DNAH3: variants seen among roughly 807,000 people sequenced by gnomAD.
DNAH3 encodes axonemal beta dynein heavy chain 3.
DNAH3 carries 332 observed loss-of-function variants against 432.5 expected under a neutral mutation model. The ratio of observed to expected loss-of-function variants is 0.77; its 90% confidence interval spans 0.70 to 0.84. The LOEUF (loss-of-function observed/expected upper bound fraction) is 0.84. Among genes scored for constraint, DNAH3 ranks in the 40% least tolerant of loss-of-function variants. The pLI, the probability that DNAH3 is intolerant of heterozygous loss-of-function variation, is 0.00. For synonymous variants in DNAH3, 1,956 were observed against 1,900.2 expected (o/e 1.03, Z -0.76); for missense variants, 4,861 against 5,114.0 (o/e 0.95, Z 1.51).
chr16:20,961,199 A>C lies in DNAH3; in HGVS notation c.10601-1795T>G, dbSNP rs375209340. Reference sequence around the variant, plus strand: ...GCATCGTGTCCCTAGCAAAATTCATATGTTGAAGTCCTAATTCCAGGTACC... The same window carrying C: ...GCATCGTGTCCCTAGCAAAATTCATCTGTTGAAGTCCTAATTCCAGGTACC... On this transcript the variant is annotated intron_variant, in intron 53 of 61. Transcript: ENST00000261383. Among the ~76,000 whole-genome samples the C allele has an allele frequency of 1.3e-4, 20 of 152,334 alleles. No homozygotes were observed. The East Asian group carries it at 3.5e-3, about 26-fold the overall frequency.
chr16:20,936,729 A>G, exon 60 of DNAH3: 2 of 1,611,208 alleles, frequency 1.2e-6, no homozygotes, highest in Non-Finnish European at 1.7e-6. Flanking sequence ...TTGGCTGCCC[A>G]CATGGCTGGC....
intron 12 of DNAH3, among the ~76,000 whole-genome samples, chr16:21,115,893 T>G (rs997782132): frequency 9.2e-5 from 14 of 152,122 alleles, no homozygotes; most frequent in African/African-American, 3.4e-4. Flanking sequence ...CATGATTTTT[T>G]GACTAGGTTA....
intron 54 of DNAH3, among the ~76,000 whole-genome samples, chr16:20,956,213 GC>G (rs2084558776): frequency 1.3e-5 from 2 of 152,192 alleles, no homozygotes; most frequent in East Asian, 3.8e-4. Flanking sequence ...ACAGGTGTGA[GC>G]CACTGCGCCC....
At chr16:21,070,025 T>C (rs989090040) in intron 22 of DNAH3, among the ~76,000 whole-genome samples, 5 of 152,202 alleles carry the variant, frequency 3.3e-5, no homozygotes, top group African/African-American at 4.8e-5. Context: ...GAGCCAGAAT[T>C]TGAACCCAGG....
chr16:20,963,145 G>C, intron 53 of DNAH3, 139 bp downstream of exon 53: 1 of 780,096 alleles, frequency 1.3e-6, no homozygotes, highest in South Asian at 2.0e-5. Flanking sequence ...GACGAGTTCC[G>C]TGGCTCCACC....
intron 18 of DNAH3, 54 bp from the exon 19 acceptor site, chr16:21,087,114 CGTACCTTTAATTCCCTGAACTT>C: frequency 7.0e-7 from 1 of 1,427,114 alleles, no homozygotes; most frequent in East Asian, 2.3e-5. Context: ...GTTAGTCATG[CGTACCTTTAATTCCCTGAACTT>C]AGAGCTGTGC....
chr16:21,142,670 T>C (rs1166937390), intron 3 of DNAH3, among the ~76,000 whole-genome samples: 1 of 151,452 alleles, frequency 6.6e-6, no homozygotes. Flanking sequence ...TTTTTTTTTT[T>C]TGAGACAGGG....
At chr16:21,136,564 T>C (rs3743698) in intron 5 of DNAH3, 51 bp from the exon 7 acceptor site, 383,845 of 1,554,582 alleles carry the variant, frequency 0.25, 48,342 homozygotes, top group East Asian at 0.33. Flanking sequence ...GGATCATGGG[T>C]TCAACTGTCC....
intron 57 of DNAH3, among the ~76,000 whole-genome samples, chr16:20,945,748 C>T (rs2084017099): frequency 6.6e-6 from 1 of 152,116 alleles, no homozygotes; most frequent in Admixed American, 6.6e-5. Flanking sequence ...CTTTGGCCTC[C>T]CAAGGTACTG....
intron 61 of DNAH3, 55 bp from the exon 62 acceptor site, chr16:20,933,562 G>T: frequency 7.1e-7 from 1 of 1,413,718 alleles, no homozygotes. Context: ...TACATGGGCA[G>T]CTTTAAGAGC....
chr16:21,025,929 A>C (rs546899397), intron 38 of DNAH3, among the ~76,000 whole-genome samples: 1 of 151,966 alleles, frequency 6.6e-6, no homozygotes, highest in South Asian at 2.1e-4. Flanking sequence ...AGTAGAAATG[A>C]GGTTTCACCA....
At chr16:21,110,218 TC>T (rs1476550927) in intron 14 of DNAH3, among the ~76,000 whole-genome samples, 1 of 152,184 alleles carries the variant, frequency 6.6e-6, no homozygotes, top group East Asian at 1.9e-4. Flanking sequence ...CTATGTATTA[TC>T]GGGGACCCCC....
intron 36 of DNAH3, 140 bp from the exon 37 acceptor site, chr16:21,031,426 C>A: frequency 9.1e-7 from 1 of 1,102,492 alleles, no homozygotes; most frequent in Non-Finnish European, 1.3e-6. Flanking sequence ...AACATGTGCT[C>A]AGTTTTTATA....
At chr16:21,033,993 A>T (rs2089030499) in exon 36 of DNAH3, 2 of 1,613,586 alleles carry the variant, frequency 1.2e-6, no homozygotes, top group East Asian at 4.5e-5. Context: ...AATCGCCGAG[A>T]GCTGCAGCCA....
In DNAH3 at chr16:21,058,208, C is replaced by A; in HGVS notation, c.3814-12G>T. On this transcript the variant is annotated splice_polypyrimidine_tract_variant and intron_variant, in intron 26 of 61. Transcript: ENST00000261383. ...TGATTTCGAGGGACCTGGAAAAGCA[C>A]AGTGGGCATGTTATAGGATCAGTTC... 2 of 1,520,728 alleles carry A rather than the reference C, an allele frequency of 1.3e-6. No individual in the cohort carries two copies. The highest frequency in any genetic ancestry group is 1.8e-6 in the Non-Finnish European group (2 of 1,095,012). 94.2% of individuals were successfully genotyped at this position (1,520,728 alleles called of 1,614,324 possible). A position where few individuals can be genotyped will look rare whatever the true frequency, so the allele number is the denominator to read the frequency against.
exon 58 of DNAH3, chr16:20,944,540 G>T: frequency 6.2e-7 from 1 of 1,614,176 alleles, no homozygotes; most frequent in Non-Finnish European, 8.5e-7. Context: ...GGGAGGGTCA[G>T]CAGGACCCCC....
At chr16:21,152,993 C>A (rs765309706) in intron 1 of DNAH3, among the ~76,000 whole-genome samples, 2 of 152,196 alleles carry the variant, frequency 1.3e-5, no homozygotes, top group South Asian at 2.1e-4. Context: ...GCCCACGGCG[C>A]GGGACTGGCA....
At chr16:20,937,024 CT>C (rs755078815) in intron 59 of DNAH3, among the ~76,000 whole-genome samples, 171 bp from the exon 60 acceptor site, 12 of 152,210 alleles carry the variant, frequency 7.9e-5, no homozygotes, top group Non-Finnish European at 1.6e-4. Flanking sequence ...TGATGTATAT[CT>C]TTCCAGATTT....
At chr16:21,002,339 A>C (rs2087060658) in intron 42 of DNAH3, among the ~76,000 whole-genome samples, 4 of 152,072 alleles carry the variant, frequency 2.6e-5, no homozygotes, top group Non-Finnish European at 5.9e-5. Context: ...ATTAATCAAA[A>C]CCTACTTTTC....
Sources: allele counts gnomAD v4.1 joint callset (sites outside exome capture counted in the v4.1 genomes callset), GRCh38; gene constraint gnomAD v4.1.1; transcripts MANE v1.5; gene names NCBI Gene and HGNC (gene_info 2026-07-23, HGNC 2026-07-21).